Variants in COL17A1 observed in about 807,000 individuals in gnomAD.
COL17A1 encodes the protein collagen type XVII alpha 1 chain.
A neutral mutation model predicts 218.4 loss-of-function variants in COL17A1; 181 were observed. That is an observed-to-expected ratio of 0.83 (90% CI 0.73 to 0.94). The LOEUF is 0.94. Among genes scored for constraint, COL17A1 ranks in the 40% least tolerant of loss-of-function variants. The probability of loss-of-function intolerance (pLI) is 0.00; values close to 1 mark genes in which losing one functional copy is unlikely to be tolerated. For synonymous variants in COL17A1, 721 were observed against 731.0 expected, an observed-to-expected ratio of 0.99 and a Z score of 0.22; for missense variants, 1,924 against 1,945.9, an observed-to-expected ratio of 0.99 and a Z score of 0.21.
At chr10:104,078,497 CA>C in intron 3 of COL17A1, 44 bp downstream of exon 3, 3 of 1,613,840 alleles carry the variant, frequency 1.9e-6, no homozygotes, top group Non-Finnish European at 2.5e-6. Context: ...TGGGGCCCTT[CA>C]AATGTGACCT....
chr10:104,067,921 C>T (rs118121877), intron 9 of COL17A1, among the ~76,000 whole-genome samples: 3,159 of 151,218 alleles, frequency 0.021, 37 homozygotes, highest in Non-Finnish European at 0.032. Context: ...GAAGGTGAAA[C>T]TGGGGAGAGA....
rs768771216 is a variant in COL17A1, at chr10:104,035,514, C to A, written c.3468G>T (p.Leu1156Phe). The change falls in exon 49 of 56, where the codon TTG becomes TTT. Residue 1156 changes from leucine to phenylalanine, a missense_variant. Physicochemically the swap from Leu to Phe is conservative, Grantham distance 22 (BLOSUM62 0). Coordinates refer to ENST00000648076, the MANE Select transcript of COL17A1 (RefSeq NM_000494.4). ...GLPGPPGPPGLPGTSYEELLS... is the reference protein window; with the variant it reads ...GLPGPPGPPGFPGTSYEELLS... Reference sequence around the variant, plus strand: ...GGAGCTCCTCATAGGAGGTTCCCGGCAAGCCAGGGGGCCCCGGGGGACCAG... The same window carrying A: ...GGAGCTCCTCATAGGAGGTTCCCGGAAAGCCAGGGGGCCCCGGGGGACCAG... 2 of 1,613,664 alleles carry A rather than the reference C, an allele frequency of 1.2e-6. No individual in the cohort carries two copies. Among genetic ancestry groups the A allele is most frequent in the South Asian group, 2.2e-5 (2 of 91,038 alleles).
chr10:104,072,418 G>A (rs1886273), intron 7 of COL17A1, among the ~76,000 whole-genome samples: 3 of 152,168 alleles, frequency 2.0e-5, no homozygotes, highest in African/African-American at 7.2e-5. Context: ...TCTCTCCTGC[G>A]TCCATGGTCT....
intron 6 of COL17A1, among the ~76,000 whole-genome samples, chr10:104,073,480 G>A (rs1341419864): frequency 6.6e-6 from 1 of 152,116 alleles, no homozygotes; most frequent in Non-Finnish European, 1.5e-5. Context: ...TGAATGTTAA[G>A]TTAGCTAACA....
chr10:104,062,196 G>T, intron 12 of COL17A1, 62 bp downstream of exon 12: 1 of 1,613,288 alleles, frequency 6.2e-7, no homozygotes, highest in Non-Finnish European at 8.5e-7. Flanking sequence ...CTAATTCAGT[G>T]AGTTGTAGCT....
intron 40 of COL17A1, 138 bp downstream of exon 40, chr10:104,040,213 G>T: frequency 1.1e-6 from 1 of 909,578 alleles, no homozygotes; most frequent in Non-Finnish European, 1.9e-6. Context: ...GCTCCAGGCT[G>T]CTGAGTTCCT....
chr10:104,034,657 C>T lies in COL17A1; in HGVS notation c.3730G>A (p.Asp1244Asn), dbSNP rs200313424. 4.7e-4 allele frequency: 753 copies of T among 1,610,150 alleles called. No homozygotes were observed. The highest frequency in any genetic ancestry group is 2.5e-3 in the Middle Eastern group (15 of 6,056). ...CTGATCAGCTCGCTCCGGAAGCTGT[C>T]GCTGTTTTCAGCTGCATAGGTTGCC... The part of the protein sequence containing the change: ...ALATYAAENS[D>N]SFRSELISYL... The change falls in exon 51 of 56, where the codon GAC becomes AAC. Residue 1244 changes from aspartate to asparagine, a missense_variant. Physicochemically the swap from Asp to Asn is conservative, Grantham distance 23. Transcript: ENST00000648076.
In COL17A1 at chr10:104,039,436, C is replaced by T; in HGVS notation, c.2896+9G>A. 6.2e-7 allele frequency: 1 copy of T among 1,613,884 alleles called. No homozygotes were observed. The highest frequency in any genetic ancestry group is 8.5e-7 in the Non-Finnish European group (1 of 1,179,936). ...CTCCTCACCACCTTCTCACTGCTCC[C>T]TCACTGACCTTTGTCACCTTTGGGT... is the stretch of plus-strand genomic sequence containing the variant. On this transcript the variant is annotated intron_variant, in intron 43 of 55. Coordinates refer to ENST00000648076, the MANE Select transcript of COL17A1 (RefSeq NM_000494.4).
rs79201209 is a variant in COL17A1, at chr10:104,074,163, G to C, written c.379+21C>G. 505 of 1,614,130 alleles carry C rather than the reference G, an allele frequency of 3.1e-4. 2 individuals carry two copies. In the African/African-American group the frequency reaches 6.2e-3, roughly 20 times the overall value. On this transcript the variant is annotated intron_variant, in intron 6 of 55. Transcript: ENST00000648076. The stretch of plus-strand genomic sequence containing the variant: ...AGTGCCTCGTTTGACCATTTCTTTA[G>C]AAAATAAGGAGAGGACATACCAAAT...
At position 104,050,123 on chromosome 10, in the gene COL17A1, A is replaced by C. The variant is rs781093471; in HGVS notation, c.2130T>G (p.Gly710=). 1 of 1,614,152 alleles carries C rather than the reference A, an allele frequency of 6.2e-7. No individual in the cohort carries two copies. Among genetic ancestry groups the C allele is most frequent in the South Asian group, 1.1e-5 (1 of 91,074 alleles). Reference sequence around the variant, plus strand: ...CTCGAGGTCCTTTCTCACCCTGGTCACCTAAAGCAAACAAGGGGGAGGTGG... The same window carrying C: ...CTCGAGGTCCTTTCTCACCCTGGTCCCCTAAAGCAAACAAGGGGGAGGTGG... ...KGPMGPPGPK[G]DQGEKGPRGL... Residue 710 remains glycine, a splice_region_variant and synonymous_variant, in exon 28 of 56, where the codon GGT becomes GGG. Coordinates refer to ENST00000648076, the MANE Select transcript of COL17A1 (RefSeq NM_000494.4).
intron 23 of COL17A1, 25 bp downstream of exon 23, chr10:104,053,006 T>C (rs537454609): frequency 1.9e-6 from 3 of 1,613,304 alleles, no homozygotes; most frequent in Admixed American, 3.3e-5. Flanking sequence ...TAGCTAACTC[T>C]GCCGGTGAAG....
chr10:104,047,837 G>A, intron 30 of COL17A1, 27 bp from the exon 31 acceptor site: 1 of 1,596,482 alleles, frequency 6.3e-7, no homozygotes, highest in Middle Eastern at 1.7e-4. Context: ...CAACGTGGAA[G>A]TGTTTACATT....
intron 1 of COL17A1, among the ~76,000 whole-genome samples, chr10:104,082,385 A>G (rs956253973): frequency 1.3e-5 from 2 of 152,206 alleles, no homozygotes; most frequent in African/African-American, 4.8e-5. Flanking sequence ...TTGTTTAAGC[A>G]TCAGTTTGAT....
At chr10:104,042,915 C>A (rs1298769545) in intron 35 of COL17A1, among the ~76,000 whole-genome samples, 1 of 152,222 alleles carries the variant, frequency 6.6e-6, no homozygotes, top group Admixed American at 6.5e-5. Context: ...TTTCTTCCAG[C>A]ATTTTTTCTT....
rs1300190288 is a variant in COL17A1, at chr10:104,039,034, G to A, written c.2947+37C>T. 2.5e-6 allele frequency: 4 copies of A among 1,596,794 alleles called. No individual in the cohort carries two copies. The East Asian group carries it at 6.7e-5, about 27-fold the overall frequency. ...CTGGAATGATCAGCCTTCACCAGAA[G>A]AAGTGGAGAGGAACTTTGGTCACTT... is the stretch of plus-strand genomic sequence containing the variant. On this transcript the variant is annotated intron_variant, in intron 44 of 55. Transcript: ENST00000648076.
intron 11 of COL17A1, 139 bp from the exon 12 acceptor site, chr10:104,062,468 C>T (rs2086591427): frequency 4.4e-6 from 5 of 1,143,008 alleles, no homozygotes; most frequent in South Asian, 4.0e-5. Context: ...GGTTCCCACA[C>T]TCTTTGTAAC....
chr10:104,078,107 G>C (rs553839861), intron 3 of COL17A1, among the ~76,000 whole-genome samples: 2 of 152,282 alleles, frequency 1.3e-5, no homozygotes, highest in South Asian at 4.1e-4. Flanking sequence ...GGAGTGATAG[G>C]AGCTCCTGGA....
chr10:104,058,040 C>G, intron 16 of COL17A1, 106 bp downstream of exon 16: 2 of 1,521,582 alleles, frequency 1.3e-6, no homozygotes, highest in East Asian at 2.3e-5. Context: ...AGTCTGGTGG[C>G]TTCTGTGCAC....
chr10:104,037,546 G>A, intron 46 of COL17A1, 90 bp downstream of exon 46: 1 of 1,515,380 alleles, frequency 6.6e-7, no homozygotes, highest in Non-Finnish European at 9.2e-7. Flanking sequence ...GAAGGGCAAA[G>A]CAAACAGCAA....
Sources: gnomAD v4.1 joint callset for allele counts (sites outside exome capture counted in the v4.1 genomes callset) on GRCh38, gnomAD v4.1.1 for gene constraint, MANE v1.5 for transcripts, NCBI Gene and HGNC (gene_info 2026-07-23, HGNC 2026-07-21) for gene names.